MAP4K1: variants seen among roughly 807,000 people sequenced by gnomAD.
MAP4K1 encodes MAPK/ERK kinase kinase kinase 1.
In MAP4K1, 35 loss-of-function variants were observed where a neutral mutation model predicts 122.8. The observed-to-expected ratio is 0.29, with a 90% CI of 0.22 to 0.38. The LOEUF is 0.38. MAP4K1 is among the 10% of genes least tolerant of loss of function. MAP4K1 has a pLI of 1.00. For synonymous variants in MAP4K1, 412 were observed against 421.3 expected (o/e 0.98, Z 0.27); for missense variants, 791 against 1,072.6 (o/e 0.74, Z 3.67).
At chr19:38,588,391 CA>C (rs1974592271) in intron 30 of MAP4K1, among the ~76,000 whole-genome samples, 2 of 152,034 alleles carry the variant, frequency 1.3e-5, no homozygotes, top group African/African-American at 4.8e-5. Flanking sequence ...ATTTGTGCCT[CA>C]AAATAAATAA....
intron 22 of MAP4K1, among the ~76,000 whole-genome samples, chr19:38,598,238 C>T (rs949317027): frequency 6.6e-6 from 1 of 151,906 alleles, no homozygotes; most frequent in Non-Finnish European, 1.5e-5. Context: ...ACCATGTTGG[C>T]CAGTCTGGTC....
chr19:38,611,347 G>A (rs1334215625), intron 9 of MAP4K1, 42 bp from the exon 10 acceptor site: 10 of 1,401,006 alleles, frequency 7.1e-6, no homozygotes, highest in Non-Finnish European at 1.0e-5. Flanking sequence ...GACCCTCAAG[G>A]GGGCCAGACC....
chr19:38,613,491 A>C (rs1975561059), intron 8 of MAP4K1, among the ~76,000 whole-genome samples: 1 of 151,406 alleles, frequency 6.6e-6, no homozygotes, highest in Non-Finnish European at 1.5e-5. Context: ...TGCCACTGCA[A>C]TCCAGCCTGG....
chr19:38,609,728 C>T (rs1975439098), intron 12 of MAP4K1, 54 bp from the exon 13 acceptor site: 1 of 1,523,714 alleles, frequency 6.6e-7, no homozygotes, highest in South Asian at 1.2e-5. Context: ...AGCCTCCTAC[C>T]CTGCCCGGGG....
intron 8 of MAP4K1, among the ~76,000 whole-genome samples, chr19:38,613,347 CAA>C (rs907689816): frequency 7.9e-6 from 1 of 126,050 alleles, no homozygotes; most frequent in African/African-American, 3.0e-5. Context: ...AAAAAAAAAA[CAA>C]CACCATCTCT....
chr19:38,609,554 T>C, intron 13 of MAP4K1, 42 bp downstream of exon 13: 1 of 1,576,402 alleles, frequency 6.3e-7, no homozygotes, highest in Admixed American at 1.7e-5. Flanking sequence ...TTAGGTCTAT[T>C]ATAGGGTCAG....
At chr19:38,610,180 G>T (rs1322754877) in intron 11 of MAP4K1, among the ~76,000 whole-genome samples, 155 bp from the exon 12 acceptor site, 1 of 151,984 alleles carries the variant, frequency 6.6e-6, no homozygotes, top group Non-Finnish European at 1.5e-5. Flanking sequence ...GGGAAATCCA[G>T]GGAACTCAGA....
chr19:38,594,115 C>T (rs77808175), intron 29 of MAP4K1, among the ~76,000 whole-genome samples: 3,194 of 152,146 alleles, frequency 0.021, 97 homozygotes, highest in Admixed American at 0.073. Flanking sequence ...AGTTGGGGAA[C>T]AGAAGCTTAA....
rs570923791 is a variant in MAP4K1, at chr19:38,602,677, C to T, written c.1447-1152G>A. 6.1e-5 allele frequency among the ~76,000 whole-genome samples: 9 copies of T among 146,656 alleles called. No individual in the cohort carries two copies. In the East Asian group the frequency reaches 1.2e-3, roughly 19 times the overall value. On this transcript the variant is annotated intron_variant, in intron 19 of 30. Coordinates refer to ENST00000396857, the MANE Select transcript of MAP4K1 (RefSeq NM_001042600.3). Reference sequence around the variant, plus strand: ...ACATATATACACATGTACATATATACGCATATACATATATACACACATATA... The same window carrying T: ...ACATATATACACATGTACATATATATGCATATACATATATACACACATATA...
At chr19:38,605,516 G>T in intron 18 of MAP4K1, 25 bp from the exon 19 acceptor site, 1 of 1,548,662 alleles carries the variant, frequency 6.5e-7, no homozygotes, top group Admixed American at 2.0e-5. Context: ...GAGAAAATCA[G>T]CCCCCAAGAA....
In MAP4K1 at chr19:38,587,844, C is replaced by T. The variant is rs73933028; in HGVS notation, c.2397-27G>A. 4,633 of 1,528,322 alleles carry T rather than the reference C, an allele frequency of 3.0e-3. 66 individuals are homozygous for T. The African/African-American group carries it at 0.035, about 11-fold the overall frequency. 94.7% of individuals were successfully genotyped at this position (1,528,322 alleles called of 1,614,324 possible). Reference sequence around the variant, plus strand: ...TGTGGAAGGAAGAGATAAGTCAGTTCATTTATTCATTCATATGTTCATTGA... The same window carrying T: ...TGTGGAAGGAAGAGATAAGTCAGTTTATTTATTCATTCATATGTTCATTGA... On this transcript the variant is annotated intron_variant, in intron 30 of 30. Coordinates refer to ENST00000396857, the MANE Select transcript of MAP4K1 (RefSeq NM_001042600.3).
chr19:38,602,613 T>C (rs1440821111), intron 19 of MAP4K1, among the ~76,000 whole-genome samples: 2 of 148,754 alleles, frequency 1.3e-5, no homozygotes, highest in Non-Finnish European at 3.0e-5. Context: ...TATACATATA[T>C]ATACACATAT....
intron 19 of MAP4K1, among the ~76,000 whole-genome samples, chr19:38,602,917 CAT>C (rs1238437828): frequency 3.1e-4 from 45 of 146,954 alleles, no homozygotes; most frequent in African/African-American, 9.5e-4. Context: ...CACATGTACA[CAT>C]ATACGCATAT....
At chr19:38,591,742 G>T (rs999482976) in intron 30 of MAP4K1, among the ~76,000 whole-genome samples, 1 of 151,144 alleles carries the variant, frequency 6.6e-6, no homozygotes, top group Non-Finnish European at 1.5e-5. Flanking sequence ...AGGCCGAGGC[G>T]GGCAGATCAC....
chr19:38,590,386 AAAAAAAAAATATATATATAT>A lies in MAP4K1; in HGVS notation c.2397-2589_2397-2570del, dbSNP rs1412280368. On this transcript the variant is annotated intron_variant, in intron 30 of 30. Coordinates refer to ENST00000396857, the MANE Select transcript of MAP4K1 (RefSeq NM_001042600.3). ...GATCTTGGACCAGAAAAAAAAAAAA[AAAAAAAAAATATATATATAT>A]ATATATATATATATATATATATATA... Among the ~76,000 whole-genome samples the A allele has an allele frequency of 1.6e-4, 11 of 68,606 alleles. 1 individual carries two copies. Among genetic ancestry groups the A allele is most frequent in the Admixed American group, 9.6e-4 (5 of 5,214 alleles). 45.0% of individuals were successfully genotyped at this position (68,606 alleles called of 152,430 possible).
At chr19:38,600,875 A>C (rs1216375876) in intron 20 of MAP4K1, among the ~76,000 whole-genome samples, 1 of 138,142 alleles carries the variant, frequency 7.2e-6, no homozygotes, top group Non-Finnish European at 1.5e-5. Flanking sequence ...GCATGATCTC[A>C]GCTCACTGCA....
chr19:38,590,436 T>TATATAA lies in MAP4K1; in HGVS notation c.2397-2620_2397-2619insTTATAT, dbSNP rs1246449708. On this transcript the variant is annotated intron_variant, in intron 30 of 30. Coordinates refer to ENST00000396857, the MANE Select transcript of MAP4K1 (RefSeq NM_001042600.3). ...ATATATATATATATATATATATATA[T>TATATAA]AATCACGGGCGTCACTAGGACAACG... Among the ~76,000 whole-genome samples the TATATAA allele has an allele frequency of 1.0e-3, 113 of 110,656 alleles. 2 individuals carry two copies. Among genetic ancestry groups the TATATAA allele is most frequent in the Non-Finnish European group, 1.6e-3 (90 of 56,612 alleles). The allele number at this position is 110,656 out of a possible 152,430, so 72.6% of individuals were successfully genotyped here. A position where few individuals can be genotyped will look rare whatever the true frequency, so the allele number is the denominator to read the frequency against.
At position 38,612,832 on chromosome 19, in the gene MAP4K1, G is replaced by A. The variant is rs569972044; in HGVS notation, c.534-90C>T. 1.3e-5 allele frequency: 18 copies of A among 1,377,976 alleles called. No homozygotes were observed. The African/African-American group carries it at 1.4e-4, about 11-fold the overall frequency. The allele number at this position is 1,377,976 out of a possible 1,614,324, so 85.4% of individuals were successfully genotyped here. The stretch of plus-strand genomic sequence containing the variant: ...GAAGGAGAAGGAGTTGAGGGGAGAC[G>A]CAGCACACAGAGAGTCAGATGGAGA... On this transcript the variant is annotated intron_variant, in intron 8 of 30. Coordinates refer to ENST00000396857, the MANE Select transcript of MAP4K1 (RefSeq NM_001042600.3).
chr19:38,588,780 A>C (rs2145925315), intron 30 of MAP4K1, among the ~76,000 whole-genome samples: 1 of 150,400 alleles, frequency 6.6e-6, no homozygotes, highest in East Asian at 2.0e-4. Context: ...TTATCCAGGC[A>C]TGGTGGTGCA....
Sources: gnomAD v4.1 joint callset for allele counts (sites outside exome capture counted in the v4.1 genomes callset) on GRCh38, gnomAD v4.1.1 for gene constraint, MANE v1.5 for transcripts, NCBI Gene and HGNC (gene_info 2026-07-23, HGNC 2026-07-21) for gene names.